Variants in DMXL1 observed in about 807,000 individuals in gnomAD.
The protein encoded by DMXL1 is Dmx like 1.
In DMXL1, 99 loss-of-function variants were observed where a neutral mutation model predicts 319.2. That is an observed-to-expected ratio of 0.31 (90% CI 0.26 to 0.37). The LOEUF is 0.37. Ranked by LOEUF, DMXL1 falls within the 10% of genes least tolerant of loss-of-function variation. DMXL1 has a pLI of 1.00. For synonymous variants in DMXL1, 1,385 were observed against 1,235.2 expected, an observed-to-expected ratio of 1.12 and a Z score of -2.54; for missense variants, 3,745 against 3,595.6, an observed-to-expected ratio of 1.04 and a Z score of -1.06.
At chr5:119,146,723 A>T in intron 15 of DMXL1, 114 bp from the exon 16 acceptor site, 1 of 962,040 alleles carries the variant, frequency 1.0e-6, no homozygotes, top group Non-Finnish European at 1.5e-6. Flanking sequence ...TTGAAGCCTT[A>T]GGTAAAAGTT....
At chr5:119,177,553 T>C (rs76877329) in intron 27 of DMXL1, 69 bp downstream of exon 27, 5 of 1,150,066 alleles carry the variant, frequency 4.3e-6, no homozygotes, top group Admixed American at 3.0e-5. Flanking sequence ...TAGAAAGACT[T>C]TTAGTTTTGC....
rs1011164354 is a variant in DMXL1, at chr5:119,173,684, G to A, written c.6682-1577G>A. ...ATCAGTAGGATGTATGTGTGTGTGT[G>A]TGTGTGTGTGTGTGTATATATATAT... On this transcript the variant is annotated intron_variant, in intron 25 of 43. Transcript: ENST00000539542. 5.3e-5 allele frequency among the ~76,000 whole-genome samples: 6 copies of A among 112,336 alleles called. No individual in the cohort carries two copies. The South Asian group carries it at 2.1e-3, about 40-fold the overall frequency. 73.7% of individuals were successfully genotyped at this position (112,336 alleles called of 152,430 possible).
chr5:119,166,627 A>G lies in DMXL1; in HGVS notation c.4982A>G (p.Asn1661Ser). Residue 1661 changes from asparagine (N) to serine (S), a missense_variant, in exon 22 of 44, where the codon AAC becomes AGC. Physicochemically the swap from Asn to Ser is conservative, Grantham distance 46. This residue lies in a region of DMXL1 where 2,096 missense variants were observed against 1,985.4 expected (regional missense o/e 1.06). Transcript: ENST00000539542. The part of the protein sequence containing the change: ...VIWGLYRAEK[N>S]TRMTQFFGHN... ...TTTTTCCTTTATAGAGCTGAAAAAA[A>G]CACCAGGATGACACAGTTTTTTGGA... The G allele has an allele frequency of 6.2e-7, 1 of 1,604,946 alleles. No homozygotes were observed. The highest frequency in any genetic ancestry group is 8.5e-7 in the Non-Finnish European group (1 of 1,177,582).
At chr5:119,082,306 C>T (rs1004168161) in intron 1 of DMXL1, among the ~76,000 whole-genome samples, 14 of 151,698 alleles carry the variant, frequency 9.2e-5, no homozygotes, top group Admixed American at 2.6e-4. Flanking sequence ...CAGGGTCTCA[C>T]TCTGTTGCCC....
intron 35 of DMXL1, among the ~76,000 whole-genome samples, chr5:119,218,276 G>A (rs1258456398): frequency 1.3e-5 from 2 of 151,964 alleles, no homozygotes; most frequent in Non-Finnish European, 2.9e-5. Context: ...ATTTAAAATA[G>A]TCTGTGCTAT....
chr5:119,116,255 T>C lies in DMXL1; in HGVS notation c.662T>C (p.Ile221Thr). The C allele has an allele frequency of 1.2e-6, 2 of 1,613,972 alleles. No individual in the cohort carries two copies. The highest frequency in any genetic ancestry group is 1.7e-6 in the Non-Finnish European group (2 of 1,179,966). Residue 221 changes from isoleucine (I) to threonine (T), a missense_variant, in exon 7 of 44, where the codon ATT (isoleucine) becomes ACT (threonine). By Grantham distance (89) the Ile-to-Thr change is moderately conservative. Transcript: ENST00000539542. The part of the protein sequence containing the change: ...GSSEKQSQGE[I>T]DFSFVYLAHP... The stretch of plus-strand genomic sequence containing the variant: ...TCAGAAAAACAATCCCAAGGAGAAA[T>C]TGACTTTTCTTTTGTGTATCTGGCC...
In DMXL1 at chr5:119,144,026, A is replaced by G. The variant is rs745887917; in HGVS notation, c.2466+96A>G. On this transcript the variant is annotated intron_variant, in intron 14 of 43. Transcript: ENST00000539542. ...TATTAATGTAATTTGAAAATTTGCT[A>G]TATATTTACAGGTAGATTCAGTAAT... 36 of 734,264 alleles carry G rather than the reference A, an allele frequency of 4.9e-5. No homozygotes were observed. The Middle Eastern group carries it at 2.1e-3, about 43-fold the overall frequency. The allele number at this position is 734,264 out of a possible 1,614,324, so 45.5% of individuals were successfully genotyped here. A position where few individuals can be genotyped will look rare whatever the true frequency, so the allele number is the denominator to read the frequency against.
chr5:119,204,377 G>C (rs10065628), intron 33 of DMXL1, among the ~76,000 whole-genome samples: 37,011 of 152,058 alleles, frequency 0.24, 5,275 homozygotes, highest in Non-Finnish European at 0.34. Context: ...GAGCCCAGGC[G>C]ATCTACCTGC....
chr5:119,116,878 A>C (rs1045957246), intron 7 of DMXL1, among the ~76,000 whole-genome samples: 5 of 152,184 alleles, frequency 3.3e-5, no homozygotes, highest in Admixed American at 3.3e-4. Context: ...AAAAGCACAC[A>C]GTGACACACA....
In DMXL1 at chr5:119,171,793, C is replaced by T; in HGVS notation, c.6505C>T (p.Leu2169=). The part of the protein sequence containing the change: ...QESQQETSEP[L]FSSPLSEQTS... ...TGTTTTTAAGGAAACATCAGAACCACTATTTTCTAGCCCTCTGTCAGAGCA... is the reference window on the plus strand; with the variant it reads ...TGTTTTTAAGGAAACATCAGAACCATTATTTTCTAGCCCTCTGTCAGAGCA... Residue 2169 remains leucine (L), a synonymous_variant, in exon 25 of 44, where the codon CTA becomes TTA. Transcript: ENST00000539542. 6.2e-7 allele frequency: 1 copy of T among 1,611,044 alleles called. No individual in the cohort carries two copies. Among genetic ancestry groups the T allele is most frequent in the Non-Finnish European group, 8.5e-7 (1 of 1,178,704 alleles).
chr5:119,182,669 C>G (rs1776987638), intron 28 of DMXL1, among the ~76,000 whole-genome samples: 1 of 152,046 alleles, frequency 6.6e-6, no homozygotes. Context: ...AGACTCTAGT[C>G]TGGCAGGTCA....
At chr5:119,085,246 G>A (rs538389063) in intron 1 of DMXL1, among the ~76,000 whole-genome samples, 3 of 151,862 alleles carry the variant, frequency 2.0e-5, no homozygotes, top group African/African-American at 7.3e-5. Flanking sequence ...CGTGAGAATC[G>A]CTTGAACCCG....
intron 34 of DMXL1, among the ~76,000 whole-genome samples, chr5:119,207,629 C>A (rs1781981991): frequency 6.6e-6 from 1 of 152,156 alleles, no homozygotes; most frequent in Non-Finnish European, 1.5e-5. Context: ...AGCGATTCTC[C>A]TGCCTCAACC....
Position 119,144,427 on chromosome 5 carries a change from T to C in DMXL1, c.2467-109T>C. 3.7e-6 allele frequency: 3 copies of C among 810,142 alleles called. No homozygotes were observed. In the South Asian group the frequency reaches 5.0e-5, roughly 14 times the overall value. 50.2% of individuals were successfully genotyped at this position (810,142 alleles called of 1,614,324 possible). ...GCTTACGTTCTGCTGAACTTTTGACTTCTTATTCTGCCTTTAAATATCTCA... is the reference window on the plus strand; with the variant it reads ...GCTTACGTTCTGCTGAACTTTTGACCTCTTATTCTGCCTTTAAATATCTCA... On this transcript the variant is annotated intron_variant, in intron 14 of 43. Transcript: ENST00000539542.
At chr5:119,136,182 G>T (rs1276227844) in intron 13 of DMXL1, among the ~76,000 whole-genome samples, 2 of 152,188 alleles carry the variant, frequency 1.3e-5, no homozygotes, top group East Asian at 1.9e-4. Context: ...TTGCATTTTG[G>T]CCCTGCTCTA....
chr5:119,179,765 T>C (rs962538386), intron 28 of DMXL1, among the ~76,000 whole-genome samples: 1 of 152,140 alleles, frequency 6.6e-6, no homozygotes, highest in African/African-American at 2.4e-5. Flanking sequence ...ATTGAAATTG[T>C]TTCTTCAGTT....
chr5:119,187,619 G>A (rs1777966985), intron 28 of DMXL1, among the ~76,000 whole-genome samples: 1 of 152,086 alleles, frequency 6.6e-6, no homozygotes, highest in Non-Finnish European at 1.5e-5. Context: ...CTGTGAAACT[G>A]CCGATTTTTT....
chr5:119,084,150 T>C (rs1176355987), intron 1 of DMXL1, among the ~76,000 whole-genome samples: 2 of 152,136 alleles, frequency 1.3e-5, no homozygotes, highest in African/African-American at 4.8e-5. Flanking sequence ...AGACGGAGTC[T>C]TGTGCTGTTG....
At chr5:119,173,799 A>ATATATATATATATATATAT in intron 25 of DMXL1, among the ~76,000 whole-genome samples, 1 of 44,282 alleles carries the variant, frequency 2.3e-5, no homozygotes, top group Non-Finnish European at 4.6e-5. Context: ...TATATATATA[A>ATATATATATATATATATAT]TGAGAGAGAG....
Sources: gnomAD v4.1 joint callset for allele counts (sites outside exome capture counted in the v4.1 genomes callset) on GRCh38, gnomAD v4.1.1 for gene constraint, gnomAD v4.1.1 regional missense constraint, MANE v1.5 for transcripts, NCBI Gene and HGNC (gene_info 2026-07-23, HGNC 2026-07-21) for gene names.